The following IGF1R variants were observed in gnomAD, a reference collection of about 807,000 sequenced individuals.
The protein encoded by IGF1R is insulin-like growth factor 1 receptor.
IGF1R carries 44 observed loss-of-function variants against 144.6 expected under a neutral mutation model. The observed-to-expected ratio is 0.30, with a 90% CI of 0.24 to 0.39. The LOEUF is 0.39. IGF1R is among the 10% of genes least tolerant of loss of function. IGF1R has a pLI of 1.00. For missense variants in IGF1R, 1,355 were observed against 1,833.7 expected, an observed-to-expected ratio of 0.74 and a Z score of 4.77; for synonymous variants, 795 against 722.8, an observed-to-expected ratio of 1.10 and a Z score of -1.60.
intron 2 of IGF1R, among the ~76,000 whole-genome samples, chr15:98,864,265 G>A (rs144709695): frequency 6.6e-6 from 1 of 152,218 alleles, no homozygotes; most frequent in African/African-American, 2.4e-5. Flanking sequence ...AAATAAATAG[G>A]CAAACATTAC....
rs1334041558 is a variant in IGF1R at position 98,962,477 on chromosome 15, AAG to A, written c.*5040_*5041del. The A allele has an allele frequency of 3.0e-5, 7 of 233,654 alleles. No individual in the cohort carries two copies. The highest frequency in any genetic ancestry group is 4.2e-5 in the Non-Finnish European group (5 of 118,060). 14.5% of individuals were successfully genotyped at this position (233,654 alleles called of 1,614,324 possible). A position where few individuals can be genotyped will look rare whatever the true frequency, so the allele number is the denominator to read the frequency against. On this transcript the variant is annotated 3_prime_UTR_variant, in exon 21 of 21. Transcript: ENST00000650285. ...AGCTGGTGGTACAAATGAGAACTTC[AAG>A]AGAGGATGTTATTTAGACTGAACCT...
At chr15:98,675,499 T>G (rs1183402403) in intron 1 of IGF1R, among the ~76,000 whole-genome samples, 1 of 152,208 alleles carries the variant, frequency 6.6e-6, no homozygotes, top group East Asian at 1.9e-4. Flanking sequence ...GTGTCTGTCA[T>G]CCATACTCCA....
At chr15:98,692,038 A>C (rs2053489387) in intron 1 of IGF1R, among the ~76,000 whole-genome samples, 1 of 152,090 alleles carries the variant, frequency 6.6e-6, no homozygotes, top group African/African-American at 2.4e-5. Context: ...TAAGTTAAAA[A>C]TATTTCTTTC....
chr15:98,896,572 G>A (rs918568221), intron 3 of IGF1R, among the ~76,000 whole-genome samples, 185 bp from the exon 4 acceptor site: 1 of 152,176 alleles, frequency 6.6e-6, no homozygotes, highest in Non-Finnish European at 1.5e-5. Flanking sequence ...TGCTTGCAAT[G>A]TGAGTGGCTT....
chr15:98,947,879 G>A (rs2016615088), intron 19 of IGF1R, among the ~76,000 whole-genome samples: 1 of 152,188 alleles, frequency 6.6e-6, no homozygotes, highest in South Asian at 2.1e-4. Flanking sequence ...GGGTGGGGGA[G>A]CAGCAGGAGT....
intron 2 of IGF1R, among the ~76,000 whole-genome samples, chr15:98,842,516 T>C (rs1282373106): frequency 6.6e-6 from 1 of 152,136 alleles, no homozygotes; most frequent in East Asian, 1.9e-4. Context: ...AAATGCAGAG[T>C]TGTAATTAGA....
intron 2 of IGF1R, among the ~76,000 whole-genome samples, chr15:98,883,572 T>A (rs1016879959): frequency 2.0e-5 from 3 of 152,224 alleles, no homozygotes; most frequent in African/African-American, 7.2e-5. Context: ...GTGATAGGGA[T>A]GGGGAGTAGT....
In IGF1R at chr15:98,849,686, CAAAGT is replaced by C. The variant is rs370814386; in HGVS notation, c.641-41635_641-41631del. ...AGCTAATCTCCCTTGTTTAAAAAAACAAAGTAAAACAGAGCTCCTAGAAATTGTTA... is the reference window on the plus strand; with the variant it reads ...AGCTAATCTCCCTTGTTTAAAAAAACAAAACAGAGCTCCTAGAAATTGTTA... On this transcript the variant is annotated intron_variant, in intron 2 of 20. Transcript: ENST00000650285. 2.4e-3 allele frequency among the ~76,000 whole-genome samples: 367 copies of C among 151,930 alleles called. 10 individuals carry two copies. The South Asian group carries it at 0.051, about 21-fold the overall frequency.
At chr15:98,678,426 T>C (rs546492936) in intron 1 of IGF1R, among the ~76,000 whole-genome samples, 1 of 152,132 alleles carries the variant, frequency 6.6e-6, no homozygotes, top group South Asian at 2.1e-4. Context: ...ACAGTTTTTA[T>C]AGTGTGGCAA....
At chr15:98,849,659 A>G (rs1462987417) in intron 2 of IGF1R, among the ~76,000 whole-genome samples, 1 of 152,256 alleles carries the variant, frequency 6.6e-6, no homozygotes, top group Admixed American at 6.5e-5. Context: ...TCTATCACAA[A>G]GAGCTAATCT....
At chr15:98,818,982 G>A (rs561702447) in intron 2 of IGF1R, among the ~76,000 whole-genome samples, 2 of 152,182 alleles carry the variant, frequency 1.3e-5, no homozygotes, top group African/African-American at 2.4e-5. Context: ...GACAGAACAG[G>A]GGGTGGAGGC....
intron 2 of IGF1R, among the ~76,000 whole-genome samples, chr15:98,877,489 CT>C (rs5814908): frequency 0.3 from 25,383 of 86,042 alleles, 2,797 homozygotes; most frequent in African/African-American, 0.34. Context: ...CACTAGCAGC[CT>C]TTTTTTTTTT....
At chr15:98,923,402 C>T (rs1005722327) in intron 11 of IGF1R, among the ~76,000 whole-genome samples, 15 of 152,124 alleles carry the variant, frequency 9.9e-5, no homozygotes, top group African/African-American at 3.6e-4. Flanking sequence ...AGACGCGGGC[C>T]ACGGAGGGTC....
intron 2 of IGF1R, among the ~76,000 whole-genome samples, chr15:98,741,116 G>T (rs967600168): frequency 1.3e-5 from 2 of 151,834 alleles, no homozygotes; most frequent in Non-Finnish European, 2.9e-5. Flanking sequence ...TTGTCTTTTA[G>T]AATGACTCTC....
At chr15:98,730,986 C>T (rs2054484791) in intron 2 of IGF1R, among the ~76,000 whole-genome samples, 1 of 152,164 alleles carries the variant, frequency 6.6e-6, no homozygotes, top group South Asian at 2.1e-4. Flanking sequence ...GTTAATTCAT[C>T]CTTGTCAATA....
chr15:98,887,855 C>A (rs540626478), intron 2 of IGF1R, among the ~76,000 whole-genome samples: 15 of 152,328 alleles, frequency 9.8e-5, no homozygotes, highest in African/African-American at 3.6e-4. Context: ...TGCACTGCGG[C>A]CAGGTAACCT....
At chr15:98,869,147 A>G (rs905135844) in intron 2 of IGF1R, among the ~76,000 whole-genome samples, 5 of 152,152 alleles carry the variant, frequency 3.3e-5, no homozygotes, top group African/African-American at 1.2e-4. Flanking sequence ...TATTCTTGTC[A>G]TCGTCTATTT....
chr15:98,867,432 C>T (rs1004796208), intron 2 of IGF1R, among the ~76,000 whole-genome samples: 2 of 152,146 alleles, frequency 1.3e-5, no homozygotes, highest in South Asian at 2.1e-4. Flanking sequence ...CCACCCCTAC[C>T]ACTTGCCAGT....
chr15:98,919,254 A>G (rs1055797932), intron 10 of IGF1R, among the ~76,000 whole-genome samples: 1 of 152,098 alleles, frequency 6.6e-6, no homozygotes, highest in African/African-American at 2.4e-5. Context: ...CTTTCCACCT[A>G]GACCAGCAGA....
Sources: gnomAD v4.1 joint callset for allele counts (sites outside exome capture counted in the v4.1 genomes callset) on GRCh38, gnomAD v4.1.1 for gene constraint, MANE v1.5 for transcripts, NCBI Gene and HGNC (gene_info 2026-07-23, HGNC 2026-07-21) for gene names.